The following ZNF780B variants were observed in gnomAD, a reference collection of about 807,000 sequenced individuals.
ZNF780B encodes the protein zinc finger protein 779.
ZNF780B carries 52 observed loss-of-function variants against 74.1 expected under a neutral mutation model. That is an observed-to-expected ratio of 0.70 (90% CI 0.56 to 0.88). The LOEUF (loss-of-function observed/expected upper bound fraction) is 0.88, where lower values mean the gene tolerates loss of function less well. ZNF780B is among the 40% of genes least tolerant of loss of function. The pLI, the probability that ZNF780B is intolerant of heterozygous loss-of-function variation, is 0.00. For synonymous variants in ZNF780B, 315 were observed against 324.3 expected (o/e 0.97, Z 0.31); for missense variants, 953 against 1,007.6 (o/e 0.95, Z 0.73).
intron 2 of ZNF780B, 100 bp downstream of exon 2, chr19:40,050,221 AAAT>A: frequency 3.2e-5 from 37 of 1,155,444 alleles, no homozygotes; most frequent in East Asian, 5.2e-5. Flanking sequence ...AAAAAAAAAA[AAAT>A]CGTGGATCCT....
intron 2 of ZNF780B, 117 bp from the exon 3 acceptor site, chr19:40,048,913 C>T (rs1973073078): frequency 6.8e-7 from 1 of 1,465,916 alleles, no homozygotes; most frequent in East Asian, 2.3e-5. Context: ...TCGCAGAGTG[C>T]CTACACATTC....
At chr19:40,052,575 G>GA (rs796751401) in intron 1 of ZNF780B, among the ~76,000 whole-genome samples, 304 of 144,148 alleles carry the variant, frequency 2.1e-3, no homozygotes, top group African/African-American at 6.3e-3. Context: ...GACAAAAATA[G>GA]AAAAAAAAAA....
In ZNF780B at chr19:40,029,940, C is replaced by G. The variant is rs1971961358; in HGVS notation, c.*4417G>C. 6.6e-6 allele frequency: 1 copy of G among 152,178 alleles called. No homozygotes were observed. Among genetic ancestry groups the G allele is most frequent in the Non-Finnish European group, 1.5e-5 (1 of 68,038 alleles). 9.4% of individuals were successfully genotyped at this position (152,178 alleles called of 1,614,324 possible). On this transcript the variant is annotated 3_prime_UTR_variant, in exon 5 of 5. Transcript: ENST00000434248. ...AATAATAATTACTACAGGTGCTTCT[C>G]AACTTACGGGGAGTTATGTCCAAAT...
Position 40,048,701 on chromosome 19 carries a change from C to G in ZNF780B, c.105G>C (p.Met35Ile). Residue 35 changes from methionine to isoleucine, a missense_variant, in exon 3 of 5, where the codon ATG becomes ATC. Physicochemically the swap from Met to Ile is conservative, Grantham distance 10. Coordinates refer to ENST00000434248, the MANE Select transcript of ZNF780B (RefSeq NM_001005851.3). The part of the protein sequence containing the change: ...PDQRTLYRDV[M>I]LENYSHLISL... ...ATATCAGGTGGCTGTAGTTCTCCAA[C>G]ATCACATCCCTGTACAAGGTCCTCT... The G allele has an allele frequency of 6.2e-7, 1 of 1,614,226 alleles. No homozygotes were observed. The highest frequency in any genetic ancestry group is 8.5e-7 in the Non-Finnish European group (1 of 1,180,042).
intron 4 of ZNF780B, among the ~76,000 whole-genome samples, chr19:40,043,305 C>T (rs1019213843): frequency 2.0e-5 from 3 of 152,138 alleles, no homozygotes; most frequent in South Asian, 2.1e-4. Flanking sequence ...AGTACCCGGC[C>T]GTGTGAGGTG....
chr19:40,046,007 T>C (rs1972916739), intron 4 of ZNF780B, among the ~76,000 whole-genome samples: 1 of 151,666 alleles, frequency 6.6e-6, no homozygotes, highest in African/African-American at 2.4e-5. Context: ...GAAAGACAAA[T>C]ATCATATGTT....
rs138254622 is a variant in ZNF780B at position 40,031,864 on chromosome 19, A to G, written c.*2493T>C. Reference sequence around the variant, plus strand: ...TCTCTCCATAGATTACTTACCCACTACAAACTAAATCTTTACAATGGACTT... The same window carrying G: ...TCTCTCCATAGATTACTTACCCACTGCAAACTAAATCTTTACAATGGACTT... On this transcript the variant is annotated 3_prime_UTR_variant, in exon 5 of 5. Transcript: ENST00000434248. 180 of 291,634 alleles carry G rather than the reference A, an allele frequency of 6.2e-4. No homozygotes were observed. The highest frequency in any genetic ancestry group is 3.7e-3 in the African/African-American group (172 of 46,062). 18.1% of individuals were successfully genotyped at this position (291,634 alleles called of 1,614,324 possible).
At position 40,036,080 on chromosome 19, in the gene ZNF780B, C is replaced by T. The variant is rs766182178; in HGVS notation, c.779G>A (p.Arg260His). The stretch of plus-strand genomic sequence containing the variant: ...TTGATGCTGAGTAAGGTTTGAGCTA[C>T]GATTAAAAGACTTCCCACATTCCTT... ...ECKECGKSFN[R>H]SSNLTQHQSI... The change falls in exon 5 of 5, where the codon CGT becomes CAT. Residue 260 changes from arginine (R) to histidine (H), a missense_variant. Transcript: ENST00000434248. The T allele has an allele frequency of 4.3e-5, 69 of 1,612,846 alleles. No individual in the cohort carries two copies. The highest frequency in any genetic ancestry group is 2.0e-4 in the South Asian group (18 of 90,910).
chr19:40,050,477 C>T (rs536017742), intron 1 of ZNF780B, 100 bp from the exon 2 acceptor site: 5 of 1,167,964 alleles, frequency 4.3e-6, no homozygotes, highest in Admixed American at 4.2e-5. Context: ...CTCAACTACT[C>T]CTGCTCACAC....
chr19:40,035,167 T>A lies in ZNF780B; in HGVS notation c.1692A>T (p.Lys564Asn). The A allele has an allele frequency of 6.2e-7, 1 of 1,613,894 alleles. No homozygotes were observed. Among genetic ancestry groups the A allele is most frequent in the Non-Finnish European group, 8.5e-7 (1 of 1,179,970 alleles). Reference protein sequence around the residue: ...EKPFECKECGKFFRRGSNLNQ... With the variant: ...EKPFECKECGNFFRRGSNLNQ... ...TAAGATTTGAACCACGACGAAAGAATTTCCCACATTCCTTACATTCAAAGG... is the reference window on the plus strand; with the variant it reads ...TAAGATTTGAACCACGACGAAAGAAATTCCCACATTCCTTACATTCAAAGG... Residue 564 changes from lysine (K) to asparagine (N), a missense_variant, in exon 5 of 5, where the codon AAA becomes AAT. Physicochemically the swap from Lys to Asn is moderately conservative, Grantham distance 94. Coordinates refer to ENST00000434248, the MANE Select transcript of ZNF780B (RefSeq NM_001005851.3).
In ZNF780B at chr19:40,040,378, C is replaced by T. The variant is rs184103631; in HGVS notation, c.233-3752G>A. ...ATATTCGTCTAAAATTCTCTTTTTTCGTTGTGTCTCTGCCCAGCTTTGGTA... is the reference window on the plus strand; with the variant it reads ...ATATTCGTCTAAAATTCTCTTTTTTTGTTGTGTCTCTGCCCAGCTTTGGTA... On this transcript the variant is annotated intron_variant, in intron 4 of 4. Coordinates refer to ENST00000434248, the MANE Select transcript of ZNF780B (RefSeq NM_001005851.3). Among the ~76,000 whole-genome samples, 1,296 of 152,030 alleles carry T rather than the reference C, an allele frequency of 8.5e-3. 6 individuals carry two copies. The highest frequency in any genetic ancestry group is 0.012 in the Non-Finnish European group (795 of 67,918).
intron 3 of ZNF780B, 105 bp downstream of exon 3, chr19:40,048,565 A>G (rs1305028849): frequency 1.3e-6 from 2 of 1,551,062 alleles, no homozygotes; most frequent in Admixed American, 1.7e-5. Context: ...GGGAATAAGA[A>G]GAAGGAATCC....
intron 4 of ZNF780B, among the ~76,000 whole-genome samples, chr19:40,037,068 C>G (rs1972372551): frequency 6.6e-6 from 1 of 152,048 alleles, no homozygotes; most frequent in African/African-American, 2.4e-5. Context: ...ACATCTGCCA[C>G]CGTGCCTGGC....
At position 40,033,954 on chromosome 19, in the gene ZNF780B, T is replaced by C; in HGVS notation, c.*403A>G. Reference sequence around the variant, plus strand: ...TTCATACGGTTCATACCAGTATGAATTCTTTGATGTGCAGTAAAGACTAAG... The same window carrying C: ...TTCATACGGTTCATACCAGTATGAACTCTTTGATGTGCAGTAAAGACTAAG... On this transcript the variant is annotated 3_prime_UTR_variant, in exon 5 of 5. Transcript: ENST00000434248. 4.0e-6 allele frequency: 1 copy of C among 250,918 alleles called. No homozygotes were observed. The highest frequency in any genetic ancestry group is 7.9e-6 in the Non-Finnish European group (1 of 126,092). 15.5% of individuals were successfully genotyped at this position (250,918 alleles called of 1,614,324 possible).
chr19:40,037,493 C>A (rs1224630442), intron 4 of ZNF780B, among the ~76,000 whole-genome samples: 1 of 152,152 alleles, frequency 6.6e-6, no homozygotes, highest in African/African-American at 2.4e-5. Flanking sequence ...CCAAGCTGGT[C>A]TTGAACTCCT....
intron 1 of ZNF780B, among the ~76,000 whole-genome samples, chr19:40,053,219 C>G (rs1167974627): frequency 6.6e-6 from 1 of 152,042 alleles, no homozygotes; most frequent in Non-Finnish European, 1.5e-5. Flanking sequence ...AGGAACTCAA[C>G]AGCAAGAAAA....
chr19:40,031,533 A>C lies in ZNF780B; in HGVS notation c.*2824T>G, dbSNP rs1209631720. 6.6e-6 allele frequency: 1 copy of C among 152,358 alleles called. No homozygotes were observed. The highest frequency in any genetic ancestry group is 1.9e-4 in the East Asian group (1 of 5,204). 9.4% of individuals were successfully genotyped at this position (152,358 alleles called of 1,614,324 possible). On this transcript the variant is annotated 3_prime_UTR_variant, in exon 5 of 5. Transcript: ENST00000434248. ...CCACTGCTCCCGGCTTAATGGTATC[A>C]TGTTTTACAGCTTGATTTAAAGGGT... is the stretch of plus-strand genomic sequence containing the variant.
Position 40,035,412 on chromosome 19 carries a change from T to G in ZNF780B, c.1447A>C (p.Ser483Arg). The stretch of plus-strand genomic sequence containing the variant: ...TGTCGAGCAAGCTGTGTCAGAAGAC[T>G]AAAGGCCTTTCCACATTCTTTACAT... Reference protein sequence around the residue: ...FECKECGKAFSLLTQLARHKN... With the variant: ...FECKECGKAFRLLTQLARHKN... Residue 483 changes from serine (S) to arginine (R), a missense_variant, in exon 5 of 5, where the codon AGT (serine) becomes CGT (arginine). Physicochemically the swap from Ser to Arg is moderately radical, Grantham distance 110 (BLOSUM62 -1). Transcript: ENST00000434248. 6.2e-7 allele frequency: 1 copy of G among 1,614,136 alleles called. No homozygotes were observed. Among genetic ancestry groups the G allele is most frequent in the Middle Eastern group, 1.6e-4 (1 of 6,062 alleles).
intron 2 of ZNF780B, 33 bp from the exon 3 acceptor site, chr19:40,048,829 T>C (rs370413967): frequency 4.6e-5 from 74 of 1,610,962 alleles, no homozygotes; most frequent in South Asian, 4.2e-4. Flanking sequence ...TATGGTGAAA[T>C]TGAAGAAAGT....
Sources: gnomAD v4.1 joint callset for allele counts (sites outside exome capture counted in the v4.1 genomes callset) on GRCh38, gnomAD v4.1.1 for gene constraint, MANE v1.5 for transcripts, NCBI Gene and HGNC (gene_info 2026-07-23, HGNC 2026-07-21) for gene names.